CAMSAP1: variants seen among roughly 807,000 people sequenced by gnomAD.
CAMSAP1 encodes calmodulin-regulated spectrin-associated protein 1.
Under a neutral mutation model 143.5 loss-of-function variants are expected in CAMSAP1, and 58 were observed. That is an observed-to-expected ratio of 0.40 (90% CI 0.33 to 0.50). The LOEUF (loss-of-function observed/expected upper bound fraction) is 0.50, where lower values mean the gene tolerates loss of function less well. CAMSAP1 is among the 20% of genes least tolerant of loss of function. The probability of loss-of-function intolerance (pLI) is 0.45; values close to 1 mark genes in which losing one functional copy is unlikely to be tolerated. For missense variants in CAMSAP1, 1,969 were observed against 2,115.7 expected (o/e 0.93, Z 1.36); for synonymous variants, 945 against 859.3 (o/e 1.10, Z -1.74).
intron 1 of CAMSAP1, among the ~76,000 whole-genome samples, chr9:135,899,925 T>C (rs755766577): frequency 1.3e-5 from 2 of 152,142 alleles, no homozygotes; most frequent in Non-Finnish European, 2.9e-5. Context: ...AAGCCCGTCA[T>C]TATGGGTCTC....
chr9:135,860,051 A>T (rs547558836), intron 5 of CAMSAP1, among the ~76,000 whole-genome samples: 296 of 151,130 alleles, frequency 2.0e-3, no homozygotes, highest in Admixed American at 4.0e-3. Flanking sequence ...CAAAAAAAAA[A>T]AAAATAAAAA....
In CAMSAP1 at chr9:135,811,588, A is replaced by G. The variant is rs1229445174; in HGVS notation, c.4530T>C (p.Asn1510=). 6.3e-7 allele frequency: 1 copy of G among 1,594,262 alleles called. No individual in the cohort carries two copies. The highest frequency in any genetic ancestry group is 8.5e-7 in the Non-Finnish European group (1 of 1,169,924). Residue 1510 remains asparagine (N), a synonymous_variant, in exon 17 of 17, where the codon AAT becomes AAC. Coordinates refer to ENST00000389532, the MANE Select transcript of CAMSAP1 (RefSeq NM_015447.4). The surrounding 1 kb of genome is among the most constrained non-coding windows in gnomAD (Gnocchi z 4.9). Reference sequence around the variant, plus strand: ...CATCACGAAACAGTATGATGTAGTGATTGGCATCACACTTCTCCAGCTCCT... The same window carrying G: ...CATCACGAAACAGTATGATGTAGTGGTTGGCATCACACTTCTCCAGCTCCT... ...ILEELEKCDA[N]HYIILFRDAG... is the part of the protein sequence containing the mutation.
chr9:135,846,910 G>GAACA (rs572155577), intron 7 of CAMSAP1, among the ~76,000 whole-genome samples: 99 of 152,276 alleles, frequency 6.5e-4, no homozygotes, highest in Admixed American at 1.3e-3. Flanking sequence ...TGGAGAAATG[G>GAACA]AACACTTTTA....
intron 1 of CAMSAP1, among the ~76,000 whole-genome samples, chr9:135,885,884 G>A (rs1022546332): frequency 6.6e-6 from 1 of 152,086 alleles, no homozygotes; most frequent in Non-Finnish European, 1.5e-5. Flanking sequence ...GAAGACCCTG[G>A]CCAGACCCCC....
intron 7 of CAMSAP1, among the ~76,000 whole-genome samples, chr9:135,837,787 C>T (rs542748591): frequency 6.9e-6 from 1 of 144,036 alleles, no homozygotes; most frequent in Non-Finnish European, 1.5e-5. Flanking sequence ...TCTACCGGTT[C>T]TACAGACACG....
chr9:135,898,048 T>G (rs150161825), intron 1 of CAMSAP1, among the ~76,000 whole-genome samples: 1 of 151,776 alleles, frequency 6.6e-6, no homozygotes, highest in South Asian at 2.1e-4. Flanking sequence ...AGCACTAGAG[T>G]CTTACATCAG....
In CAMSAP1 at chr9:135,810,403, C is replaced by T. The variant is rs1835004936; in HGVS notation, c.*906G>A. On this transcript the variant is annotated 3_prime_UTR_variant, in exon 17 of 17. Transcript: ENST00000389532. ...TAAGTGCATCACCTTTTGGGACAAA[C>T]ATGCTCAGAATGAAAAATATTCTAC... 1 of 152,236 alleles carries T rather than the reference C, an allele frequency of 6.6e-6. No individual in the cohort carries two copies. Among genetic ancestry groups the T allele is most frequent in the East Asian group, 1.9e-4 (1 of 5,194 alleles). 9.4% of individuals were successfully genotyped at this position (152,236 alleles called of 1,614,324 possible).
At chr9:135,866,333 A>G in intron 4 of CAMSAP1, 123 bp downstream of exon 4, 2 of 628,906 alleles carry the variant, frequency 3.2e-6, no homozygotes, top group East Asian at 5.6e-5. Context: ...AATCCAAGAG[A>G]CTAGCTGCTT....
intron 4 of CAMSAP1, among the ~76,000 whole-genome samples, chr9:135,863,180 G>A (rs974836686): frequency 3.3e-5 from 5 of 152,150 alleles, no homozygotes; most frequent in Non-Finnish European, 7.4e-5. Context: ...GCATCAGGAG[G>A]CGAAATCCAT....
In CAMSAP1 at chr9:135,882,804, C is replaced by T; in HGVS notation, c.423+12G>A. 6.5e-7 allele frequency: 1 copy of T among 1,546,548 alleles called. No individual in the cohort carries two copies. Among genetic ancestry groups the T allele is most frequent in the Non-Finnish European group, 8.7e-7 (1 of 1,144,938 alleles). ...GGATGGCCCCTGGGGGCGGCCACCG[C>T]AGACCACTCACCATTTTTATGGGTG... is the stretch of plus-strand genomic sequence containing the variant. On this transcript the variant is annotated intron_variant, in intron 2 of 16. Transcript: ENST00000389532. This position sits in a 1 kb window ranked among gnomAD's most constrained non-coding sequence, Gnocchi z 4.9.
intron 1 of CAMSAP1, among the ~76,000 whole-genome samples, chr9:135,898,063 G>A (rs79297099): frequency 0.014 from 2,123 of 152,288 alleles, 57 homozygotes; most frequent in African/African-American, 0.047. Context: ...CATCAGAAAA[G>A]AGGAAAGGTC....
chr9:135,850,841 T>C (rs1022226087), intron 5 of CAMSAP1, among the ~76,000 whole-genome samples: 1 of 152,184 alleles, frequency 6.6e-6, no homozygotes, highest in Admixed American at 6.5e-5. Context: ...CTGCACAAGG[T>C]TTCCGTGTTT....
chr9:135,825,007 A>G (rs1366923864), intron 8 of CAMSAP1, 127 bp from the exon 9 acceptor site: 4 of 735,382 alleles, frequency 5.4e-6, no homozygotes, highest in South Asian at 3.6e-5. Flanking sequence ...ACTGTTTGGG[A>G]AAAAAATGAC....
intron 1 of CAMSAP1, 87 bp downstream of exon 1, chr9:135,906,913 G>A (rs916030188): frequency 3.9e-6 from 3 of 775,718 alleles, no homozygotes; most frequent in Middle Eastern, 6.2e-4. Context: ...CGCGGCGCGC[G>A]GACCCCGACC....
rs1440162174 is a variant in CAMSAP1 at position 135,820,298 on chromosome 9, G to A, written c.3822+541C>T. Among the ~76,000 whole-genome samples, 1 of 152,146 alleles carries A rather than the reference G, an allele frequency of 6.6e-6. No individual in the cohort carries two copies. Among genetic ancestry groups the A allele is most frequent in the East Asian group, 1.9e-4 (1 of 5,202 alleles). On this transcript the variant is annotated intron_variant, in intron 11 of 16. Coordinates refer to ENST00000389532, the MANE Select transcript of CAMSAP1 (RefSeq NM_015447.4). The surrounding 1 kb of genome is among the most constrained non-coding windows in gnomAD (Gnocchi z 4.4). ...TGGTCTTATCATCTTAGGAGACAAC[G>A]AACGTCACAGCAAACATCATGTGAC... is the stretch of plus-strand genomic sequence containing the variant.
intron 1 of CAMSAP1, among the ~76,000 whole-genome samples, chr9:135,900,913 C>T (rs1008106506): frequency 7.2e-5 from 11 of 151,900 alleles, no homozygotes; most frequent in African/African-American, 2.7e-4. Flanking sequence ...TGCCACCACA[C>T]CCAGCTAATT....
intron 1 of CAMSAP1, among the ~76,000 whole-genome samples, chr9:135,898,139 G>A (rs2131022047): frequency 6.6e-6 from 1 of 152,262 alleles, no homozygotes; most frequent in South Asian, 2.1e-4. Flanking sequence ...AAACCCGAAG[G>A]AAGCAGAAGG....
chr9:135,848,576 C>T (rs572328535), intron 7 of CAMSAP1, among the ~76,000 whole-genome samples: 28 of 152,244 alleles, frequency 1.8e-4, no homozygotes, highest in African/African-American at 6.3e-4. Flanking sequence ...CTGGAAAACA[C>T]AGTGGAGCTC....
At position 135,821,751 on chromosome 9, in the gene CAMSAP1, C is replaced by G; in HGVS notation, c.2910G>C (p.Glu970Asp). ...KEEQREELLH[E>D]PQDVDKESLA... ...GGCTCTCTTTGTCCACATCCTGTGG[C>G]TCGTGAAGGAGCTCCTCTCTCTGCT... Residue 970 changes from glutamate to aspartate, a missense_variant, in exon 11 of 17, where the codon GAG becomes GAC. Physicochemically the swap from Glu to Asp is conservative, Grantham distance 45 (BLOSUM62 2). Transcript: ENST00000389532. The surrounding 1 kb of genome is among the most constrained non-coding windows in gnomAD (Gnocchi z 4.6). 1 of 1,613,964 alleles carries G rather than the reference C, an allele frequency of 6.2e-7. No individual in the cohort carries two copies. The highest frequency in any genetic ancestry group is 2.2e-5 in the East Asian group (1 of 44,870).
Sources: gnomAD v4.1 joint callset for allele counts (sites outside exome capture counted in the v4.1 genomes callset) on GRCh38, gnomAD v4.1.1 for gene constraint, Gnocchi (gnomAD v3.1) non-coding constraint, MANE v1.5 for transcripts, NCBI Gene and HGNC (gene_info 2026-07-23, HGNC 2026-07-21) for gene names.